Variants in RABGAP1L observed in about 807,000 individuals in gnomAD.
RABGAP1L encodes rab GTPase-activating protein 1-like.
In RABGAP1L, 63 loss-of-function variants were observed where a neutral mutation model predicts 137.7. That is an observed-to-expected ratio of 0.46 (90% CI 0.37 to 0.56). RABGAP1L has a LOEUF of 0.56. Ranked by LOEUF, RABGAP1L falls within the 20% of genes least tolerant of loss-of-function variation. The pLI, the probability that RABGAP1L is intolerant of heterozygous loss-of-function variation, is 0.00. For synonymous variants in RABGAP1L, 431 were observed against 433.7 expected, an observed-to-expected ratio of 0.99 and a Z score of 0.08; for missense variants, 1,095 against 1,244.0, an observed-to-expected ratio of 0.88 and a Z score of 1.80.
At chr1:174,750,652 G>A (rs1418369414) in intron 17 of RABGAP1L, among the ~76,000 whole-genome samples, 1 of 152,146 alleles carries the variant, frequency 6.6e-6, no homozygotes, top group African/African-American at 2.4e-5. Flanking sequence ...AAGGAAAGGA[G>A]GAGTAGCAAA....
chr1:174,548,456 A>C, intron 13 of RABGAP1L: 1 of 932,308 alleles, frequency 1.1e-6, no homozygotes, highest in Non-Finnish European at 1.3e-6. Context: ...ATATCATATT[A>C]TATGCCTAAG....
At position 174,548,007 on chromosome 1, in the gene RABGAP1L, CA is replaced by C. The variant is rs760920306; in HGVS notation, c.1711-89365del. On this transcript the variant is annotated intron_variant, in intron 13 of 25. Coordinates refer to ENST00000681986, the MANE Select transcript of RABGAP1L (RefSeq NM_001366446.1). ...GTTCCTTTCCTGAGCCTGAATTGTA[CA>C]AATATGTCCTAAAACACCAACTTAT... The C allele has an allele frequency of 3.2e-6, 5 of 1,550,502 alleles. No individual in the cohort carries two copies. The East Asian group carries it at 9.8e-5, about 30-fold the overall frequency.
At chr1:174,192,318 GTTTTTTT>G (rs3056994) in intron 1 of RABGAP1L, among the ~76,000 whole-genome samples, 3 of 112,946 alleles carry the variant, frequency 2.7e-5, no homozygotes, top group Non-Finnish European at 5.3e-5. Context: ...TGTCTGAGGT[GTTTTTTT>G]TTTTTTTTTT....
At chr1:174,800,424 T>A in intron 18 of RABGAP1L, 1 of 1,550,848 alleles carries the variant, frequency 6.4e-7, no homozygotes, top group Middle Eastern at 1.7e-4. Context: ...AGGAGCAAGC[T>A]GGTGAATGAG....
At position 174,278,662 on chromosome 1, in the gene RABGAP1L, G is replaced by T. The variant is rs755114582; in HGVS notation, c.1206G>T (p.Val402=). ...TVAVDMVVTE[V]VEPVRFLLET... is the part of the protein sequence containing the mutation. ...CAGTGGATATGGTAGTCACAGAGGTGGTGGAGCCTGTTCGCTTTCTCCTGG... is the reference window on the plus strand; with the variant it reads ...CAGTGGATATGGTAGTCACAGAGGTTGTGGAGCCTGTTCGCTTTCTCCTGG... Residue 402 remains valine (V), a synonymous_variant, in exon 10 of 26, where the codon GTG becomes GTT. Transcript: ENST00000681986. 5 of 1,613,344 alleles carry T rather than the reference G, an allele frequency of 3.1e-6. No homozygotes were observed. In the Admixed American group the frequency reaches 6.7e-5, roughly 22 times the overall value.
At chr1:174,257,591 C>T (rs1673235997) in intron 7 of RABGAP1L, among the ~76,000 whole-genome samples, 1 of 152,142 alleles carries the variant, frequency 6.6e-6, no homozygotes. Context: ...TTGATATCTT[C>T]ATCATCCTTA....
At chr1:174,839,027 A>ATGTG (rs1693085684) in intron 19 of RABGAP1L, among the ~76,000 whole-genome samples, 1 of 35,388 alleles carries the variant, frequency 2.8e-5, no homozygotes. Flanking sequence ...GAACTTTTTT[A>ATGTG]CGTGTGTGTG....
chr1:174,290,956 T>G (rs1676543459), intron 10 of RABGAP1L, among the ~76,000 whole-genome samples: 1 of 152,036 alleles, frequency 6.6e-6, no homozygotes, highest in Non-Finnish European at 1.5e-5. Flanking sequence ...AGATGGCTCT[T>G]GCTATGTTGC....
chr1:174,393,462 T>C (rs1647414714), intron 12 of RABGAP1L, among the ~76,000 whole-genome samples: 1 of 152,138 alleles, frequency 6.6e-6, no homozygotes. Context: ...AACTTGACTA[T>C]AATATGTATG....
intron 11 of RABGAP1L, among the ~76,000 whole-genome samples, chr1:174,368,320 C>T (rs966093551): frequency 2.6e-5 from 4 of 152,164 alleles, no homozygotes; most frequent in African/African-American, 7.2e-5. Flanking sequence ...AATCCTGTTA[C>T]AAATATGTCT....
intron 18 of RABGAP1L, among the ~76,000 whole-genome samples, chr1:174,763,650 CAAAAAAAAAAAAAAAAAAAAAAAA>C (rs1165876748): frequency 3.8e-4 from 5 of 13,100 alleles, no homozygotes; most frequent in African/African-American, 6.7e-4. Context: ...GACTCCGTCT[CAAAAAAAAAAAAAAAAAAAAAAAA>C]AAAAAAAAAA....
chr1:174,514,007 G>C (rs1404514822), intron 13 of RABGAP1L, among the ~76,000 whole-genome samples: 1 of 152,054 alleles, frequency 6.6e-6, no homozygotes, highest in Non-Finnish European at 1.5e-5. Context: ...AAAAGTGATA[G>C]CACTGAATGC....
intron 13 of RABGAP1L, among the ~76,000 whole-genome samples, chr1:174,533,470 C>A (rs904828483): frequency 1.3e-5 from 2 of 152,008 alleles, no homozygotes; most frequent in African/African-American, 4.8e-5. Context: ...CAAGAACAAT[C>A]CCTCCTCTTC....
intron 19 of RABGAP1L, among the ~76,000 whole-genome samples, chr1:174,872,663 C>T (rs547217708): frequency 1.3e-5 from 2 of 151,560 alleles, no homozygotes; most frequent in East Asian, 2.0e-4. Context: ...CTGGGTTCCC[C>T]GCAAATAGCT....
chr1:174,485,968 T>A (rs1314164942), intron 13 of RABGAP1L, among the ~76,000 whole-genome samples: 1 of 152,194 alleles, frequency 6.6e-6, no homozygotes, highest in Non-Finnish European at 1.5e-5. Flanking sequence ...CATCAGGTCC[T>A]GGACTTTTCT....
chr1:174,958,256 A>T, intron 20 of RABGAP1L: 1 of 1,150,318 alleles, frequency 8.7e-7, no homozygotes, highest in Non-Finnish European at 1.1e-6. Context: ...TTTGAGTTAA[A>T]GTATGAAGTT....
intron 18 of RABGAP1L, among the ~76,000 whole-genome samples, chr1:174,795,630 ATAGTGG>A (rs1688188732): frequency 6.6e-6 from 1 of 152,200 alleles, no homozygotes; most frequent in South Asian, 2.1e-4. Context: ...TAGTGGCACA[ATAGTGG>A]CTCATTGCAG....
chr1:174,493,822 A>G lies in RABGAP1L; in HGVS notation c.1710+99677A>G, dbSNP rs796068445. On this transcript the variant is annotated intron_variant, in intron 13 of 25. Coordinates refer to ENST00000681986, the MANE Select transcript of RABGAP1L (RefSeq NM_001366446.1). ...GGAAATGGGAGTGAGACCCTGTCTGAAAAAAAAAAAAAAAAAAAAGTATAG... is the reference window on the plus strand; with the variant it reads ...GGAAATGGGAGTGAGACCCTGTCTGGAAAAAAAAAAAAAAAAAAAGTATAG... 2.5e-4 allele frequency among the ~76,000 whole-genome samples: 21 copies of G among 83,108 alleles called. No homozygotes were observed. In the East Asian group the frequency reaches 6.8e-3, roughly 27 times the overall value. The allele number at this position is 83,108 out of a possible 152,430, so 54.5% of individuals were successfully genotyped here. A position where few individuals can be genotyped will look rare whatever the true frequency, so the allele number is the denominator to read the frequency against.
chr1:174,322,690 AT>A (rs1487777640), intron 11 of RABGAP1L, among the ~76,000 whole-genome samples: 3 of 152,124 alleles, frequency 2.0e-5, no homozygotes, highest in Non-Finnish European at 2.9e-5. Flanking sequence ...CCTTATTTAC[AT>A]TGTGTGATTC....
Sources: allele counts gnomAD v4.1 joint callset (sites outside exome capture counted in the v4.1 genomes callset), GRCh38; gene constraint gnomAD v4.1.1; transcripts MANE v1.5; gene names NCBI Gene and HGNC (gene_info 2026-07-23, HGNC 2026-07-21).